The following ESRRG variants were observed in gnomAD, a reference collection of about 807,000 sequenced individuals.
ESRRG encodes the protein estrogen-related receptor gamma.
ESRRG carries 13 observed loss-of-function variants against 44.0 expected under a neutral mutation model. The ratio of observed to expected loss-of-function variants is 0.30; its 90% CI spans 0.19 to 0.47. The LOEUF is 0.47. Among genes scored for constraint, ESRRG ranks in the 20% least tolerant of loss-of-function variants. ESRRG has a pLI of 1.00. For synonymous variants in ESRRG, 215 were observed against 214.6 expected (o/e 1.00, Z -0.02); for missense variants, 395 against 580.6 (o/e 0.68, Z 3.29).
intron 1 of ESRRG, among the ~76,000 whole-genome samples, chr1:216,690,445 C>G (rs1292797639): frequency 6.6e-6 from 1 of 151,978 alleles, no homozygotes; most frequent in African/African-American, 2.4e-5. Context: ...ACAAGGAAAA[C>G]TAATCATCAT....
chr1:217,117,828 T>C (rs1386001673), intron 1 of ESRRG, among the ~76,000 whole-genome samples: 4 of 152,166 alleles, frequency 2.6e-5, no homozygotes, highest in Non-Finnish European at 5.9e-5. Flanking sequence ...ATACTGTCAT[T>C]ACTTTTAGAG....
intron 2 of ESRRG, among the ~76,000 whole-genome samples, chr1:216,891,288 A>G (rs1028325238): frequency 6.6e-6 from 1 of 152,222 alleles, no homozygotes; most frequent in Non-Finnish European, 1.5e-5. Context: ...CTCAACAAGT[A>G]ATGGAGTTTT....
At chr1:216,990,788 A>G (rs946998896) in intron 1 of ESRRG, among the ~76,000 whole-genome samples, 3 of 152,208 alleles carry the variant, frequency 2.0e-5, no homozygotes, top group Non-Finnish European at 4.4e-5. Context: ...AACCATGTTT[A>G]TTTTAAAGTT....
chr1:217,045,620 G>T (rs959229991), intron 1 of ESRRG, among the ~76,000 whole-genome samples: 1 of 152,210 alleles, frequency 6.6e-6, no homozygotes, highest in African/African-American at 2.4e-5. Flanking sequence ...ATGGGATATT[G>T]GAAGGTTTGC....
At chr1:216,831,592 C>T (rs1395983598) in intron 2 of ESRRG, among the ~76,000 whole-genome samples, 1 of 151,790 alleles carries the variant, frequency 6.6e-6, no homozygotes, top group Non-Finnish European at 1.5e-5. Context: ...TTACTAAATA[C>T]TAATAGAAAT....
intron 2 of ESRRG, among the ~76,000 whole-genome samples, chr1:216,837,328 G>A (rs570484667): frequency 6.6e-6 from 1 of 151,508 alleles, no homozygotes; most frequent in Non-Finnish European, 1.5e-5. Context: ...GGAGAATGGC[G>A]TGAACCTGGG....
chr1:216,923,378 C>A (rs564621427), intron 2 of ESRRG, among the ~76,000 whole-genome samples: 1 of 152,288 alleles, frequency 6.6e-6, no homozygotes, highest in East Asian at 1.9e-4. Flanking sequence ...CTGCAAAGCT[C>A]CCTGAATATG....
At chr1:216,804,909 A>G (rs1362848498) in intron 2 of ESRRG, 2 of 152,196 alleles carry the variant, frequency 1.3e-5, no homozygotes, top group Admixed American at 1.3e-4. Flanking sequence ...ATGAAAGCCC[A>G]TAGCATTTAC....
At chr1:216,690,547 C>A (rs533485269) in intron 1 of ESRRG, among the ~76,000 whole-genome samples, 3 of 152,140 alleles carry the variant, frequency 2.0e-5, no homozygotes, top group Middle Eastern at 3.4e-3. Context: ...TTATATGGGT[C>A]ATATTTGTTA....
intron 1 of ESRRG, among the ~76,000 whole-genome samples, chr1:217,064,353 T>C (rs1580299809): frequency 1.3e-5 from 2 of 152,258 alleles, no homozygotes; most frequent in East Asian, 3.9e-4. Context: ...GAGTAAATGA[T>C]GAAAAATATA....
At chr1:216,654,060 T>C (rs2069734210) in intron 2 of ESRRG, among the ~76,000 whole-genome samples, 2 of 150,266 alleles carry the variant, frequency 1.3e-5, no homozygotes, top group Non-Finnish European at 3.0e-5. Context: ...AAGGCGGAGG[T>C]TTCAGTGAGC....
chr1:216,616,138 T>A (rs898154368), intron 3 of ESRRG, among the ~76,000 whole-genome samples: 1 of 152,138 alleles, frequency 6.6e-6, no homozygotes, highest in Non-Finnish European at 1.5e-5. Context: ...CTAGGGTCGC[T>A]GTGGTGGATG....
intron 3 of ESRRG, among the ~76,000 whole-genome samples, chr1:216,611,943 C>A (rs2060734957): frequency 6.6e-6 from 1 of 152,084 alleles, no homozygotes; most frequent in Non-Finnish European, 1.5e-5. Flanking sequence ...ATGCTATGAG[C>A]AGGCAAGTGG....
chr1:217,098,106 T>C (rs565669434), intron 1 of ESRRG, among the ~76,000 whole-genome samples: 1 of 152,296 alleles, frequency 6.6e-6, no homozygotes. Context: ...TTTCATGGAC[T>C]GGAGCCTGAT....
intron 1 of ESRRG, among the ~76,000 whole-genome samples, chr1:217,014,020 G>T (rs535460587): frequency 6.6e-6 from 1 of 152,156 alleles, no homozygotes; most frequent in East Asian, 1.9e-4. Flanking sequence ...GGAGTGAAGG[G>T]TGCCTATCCA....
chr1:216,814,911 T>G (rs2095087064), intron 2 of ESRRG, among the ~76,000 whole-genome samples: 1 of 152,248 alleles, frequency 6.6e-6, no homozygotes, highest in Non-Finnish European at 1.5e-5. Context: ...AACAGATTGT[T>G]ATTTATTTCA....
At chr1:217,054,295 G>A (rs185803917) in intron 1 of ESRRG, among the ~76,000 whole-genome samples, 11 of 152,112 alleles carry the variant, frequency 7.2e-5, no homozygotes, top group Non-Finnish European at 7.4e-5. Context: ...GTCATACTGG[G>A]GGGGAGCATA....
At chr1:216,778,582 G>C (rs2093698666) in intron 2 of ESRRG, among the ~76,000 whole-genome samples, 1 of 151,914 alleles carries the variant, frequency 6.6e-6, no homozygotes, top group African/African-American at 2.4e-5. Flanking sequence ...GCAGAGGTCA[G>C]AAGTGGGCTC....
Position 216,659,822 on chromosome 1 carries a change from G to A in ESRRG, c.473-8733C>T, listed in dbSNP as rs573957457. ...AACACACTTTATTATATGTATCTGT[G>A]GAATTGCCCCCTTCCTGTCCCAACT... On this transcript the variant is annotated intron_variant, in intron 2 of 6. Coordinates refer to ENST00000408911, the MANE Select transcript of ESRRG (RefSeq NM_001438.4). Among the ~76,000 whole-genome samples the A allele has an allele frequency of 1.1e-4, 16 of 152,168 alleles. No individual in the cohort carries two copies. The Middle Eastern group carries it at 0.01, about 97-fold the overall frequency.
Sources: gnomAD v4.1 joint callset for allele counts (sites outside exome capture counted in the v4.1 genomes callset) on GRCh38, gnomAD v4.1.1 for gene constraint, MANE v1.5 for transcripts, NCBI Gene and HGNC (gene_info 2026-07-23, HGNC 2026-07-21) for gene names.